The following DNAI3 variants were observed in gnomAD, a reference collection of about 807,000 sequenced individuals.
DNAI3 encodes the protein dynein axonemal intermediate chain 3.
A neutral mutation model predicts 115.5 loss-of-function variants in DNAI3; 83 were observed. That is an observed-to-expected ratio of 0.72 (90% CI 0.60 to 0.86). The LOEUF (loss-of-function observed/expected upper bound fraction) is 0.86, where lower values mean the gene tolerates loss of function less well. DNAI3 is among the 40% of genes least tolerant of loss of function. The pLI is 0.00. For missense variants in DNAI3, 1,004 were observed against 1,075.8 expected, an observed-to-expected ratio of 0.93 and a Z score of 0.93; for synonymous variants, 320 against 347.0, an observed-to-expected ratio of 0.92 and a Z score of 0.86.
intron 22 of DNAI3, among the ~76,000 whole-genome samples, chr1:85,132,085 A>G (rs1557730524): frequency 6.6e-6 from 1 of 152,224 alleles, no homozygotes; most frequent in Non-Finnish European, 1.5e-5. Context: ...AAAAAAAGTC[A>G]CTAAGGAAAA....
intron 16 of DNAI3, among the ~76,000 whole-genome samples, chr1:85,111,873 C>T (rs1173356012): frequency 1.3e-5 from 2 of 152,016 alleles, no homozygotes; most frequent in South Asian, 2.1e-4. Context: ...CCCATGAAAC[C>T]ATCAACATAA....
chr1:85,084,250 G>GTATATATATATATATATATATA (rs33956396), intron 5 of DNAI3, among the ~76,000 whole-genome samples: 2 of 85,040 alleles, frequency 2.4e-5, no homozygotes, highest in African/African-American at 3.6e-5. Flanking sequence ...TCAGCAGTGT[G>GTATATATATATATATATATATA]TATATATATA....
At chr1:85,085,750 A>C in intron 6 of DNAI3, 81 bp from the exon 7 acceptor site, 1 of 1,183,766 alleles carries the variant, frequency 8.4e-7, no homozygotes, top group East Asian at 2.5e-5. Flanking sequence ...AAGGGCTCTG[A>C]GTGGATCTGA....
At chr1:85,097,945 G>A (rs1342217156) in intron 12 of DNAI3, among the ~76,000 whole-genome samples, 6 of 152,156 alleles carry the variant, frequency 3.9e-5, no homozygotes, top group Admixed American at 6.5e-5. Flanking sequence ...CTTGCCTAAA[G>A]TGAGGTGATT....
intron 8 of DNAI3, 69 bp downstream of exon 8, chr1:85,090,301 C>A: frequency 1.2e-6 from 1 of 839,816 alleles, no homozygotes; most frequent in Non-Finnish European, 1.7e-6. Context: ...AATAACAGGT[C>A]TAAATAAACA....
intron 21 of DNAI3, among the ~76,000 whole-genome samples, chr1:85,129,184 C>T (rs1571205493): frequency 6.6e-6 from 1 of 152,196 alleles, no homozygotes; most frequent in South Asian, 2.1e-4. Flanking sequence ...GCTCCCAACC[C>T]AACTTGGAGT....
At chr1:85,128,858 CT>C in intron 21 of DNAI3, 59 bp downstream of exon 21, 1 of 1,475,848 alleles carries the variant, frequency 6.8e-7, no homozygotes, top group Non-Finnish European at 9.3e-7. Context: ...TGAGATATGT[CT>C]TTAAAAAAAT....
At chr1:85,121,171 A>G (rs1345029279) in intron 17 of DNAI3, among the ~76,000 whole-genome samples, 5 of 152,146 alleles carry the variant, frequency 3.3e-5, no homozygotes, top group African/African-American at 9.7e-5. Context: ...TCCCCTTTGC[A>G]TGACTGTTTC....
rs1571174992 is a variant in DNAI3 at position 85,094,541 on chromosome 1, C to G, written c.1159C>G (p.Pro387Ala). The G allele has an allele frequency of 6.2e-7, 1 of 1,614,050 alleles. No homozygotes were observed. The highest frequency in any genetic ancestry group is 1.6e-4 in the Middle Eastern group (1 of 6,062). The change falls in exon 10 of 23, where the codon CCT becomes GCT. Residue 387 changes from proline to alanine, a missense_variant. Pro to Ala is a conservative substitution (Grantham distance 27). This residue lies in a region of DNAI3 where 550 missense variants were observed against 568.1 expected (regional missense o/e 0.97). Transcript: ENST00000294664. ...SLILFWSFSDPIHPQLMLESP... is the reference protein window; with the variant it reads ...SLILFWSFSDAIHPQLMLESP... The stretch of plus-strand genomic sequence containing the variant: ...GATTCTTTTCTGGAGCTTCTCTGAT[C>G]CTATACATCCTCAGGTAATTAGGGA...
chr1:85,093,655 T>A lies in DNAI3; in HGVS notation c.1048+7T>A. 6.2e-7 allele frequency: 1 copy of A among 1,613,598 alleles called. No homozygotes were observed. Among genetic ancestry groups the A allele is most frequent in the Non-Finnish European group, 8.5e-7 (1 of 1,179,488 alleles). On this transcript the variant is annotated splice_region_variant and intron_variant, in intron 9 of 22. Coordinates refer to ENST00000294664, the MANE Select transcript of DNAI3 (RefSeq NM_145172.5). ...TGGCATCCAACTATCTATGGTGAGA[T>A]GGAAATGATGGGGATTCCCTTTTGT... is the stretch of plus-strand genomic sequence containing the variant.
intron 2 of DNAI3, among the ~76,000 whole-genome samples, chr1:85,072,823 C>T (rs544510895): frequency 1.3e-4 from 20 of 150,732 alleles, no homozygotes; most frequent in Admixed American, 7.9e-4. Context: ...GGTGTGGTGG[C>T]GGGCGCCTCT....
chr1:85,111,362 T>C (rs1655654962), intron 16 of DNAI3, among the ~76,000 whole-genome samples: 1 of 152,222 alleles, frequency 6.6e-6, no homozygotes, highest in Non-Finnish European at 1.5e-5. Context: ...TCTCCACCTC[T>C]CCTCCTCTTC....
intron 13 of DNAI3, among the ~76,000 whole-genome samples, chr1:85,103,956 T>C (rs1457165762): frequency 1.3e-5 from 2 of 149,292 alleles, no homozygotes; most frequent in Non-Finnish European, 3.0e-5. Flanking sequence ...AGGTAAATGT[T>C]CAAATTATGT....
chr1:85,131,858 A>G (rs1656336176), intron 22 of DNAI3, among the ~76,000 whole-genome samples: 1 of 152,240 alleles, frequency 6.6e-6, no homozygotes. Context: ...CATGTGAAAT[A>G]CTTTTTAAAC....
In DNAI3 at chr1:85,114,015, C is replaced by CTTTTTTTTT. The variant is rs58178754; in HGVS notation, c.1787-3706_1787-3698dup. Among the ~76,000 whole-genome samples, 221 of 117,576 alleles carry CTTTTTTTTT rather than the reference C, an allele frequency of 1.9e-3. 3 individuals carry two copies. Among genetic ancestry groups the CTTTTTTTTT allele is most frequent in the African/African-American group, 3.4e-3 (106 of 31,164 alleles). The allele number at this position is 117,576 out of a possible 152,430, so 77.1% of individuals were successfully genotyped here. On this transcript the variant is annotated intron_variant, in intron 16 of 22. Coordinates refer to ENST00000294664, the MANE Select transcript of DNAI3 (RefSeq NM_145172.5). ...CAGTGTATAAAAATACAATTTGTATCTTTTTTTTTTTTTTTTGAGAAGGAG... is the reference window on the plus strand; with the variant it reads ...CAGTGTATAAAAATACAATTTGTATCTTTTTTTTTTTTTTTTTTTTTTTTTGAGAAGGAG...
At chr1:85,110,274 A>G (rs1655615074) in intron 16 of DNAI3, 139 bp downstream of exon 16, 3 of 647,904 alleles carry the variant, frequency 4.6e-6, no homozygotes, top group Admixed American at 6.2e-5. Flanking sequence ...ACACGGTGAA[A>G]CCCCGTCTCT....
intron 13 of DNAI3, among the ~76,000 whole-genome samples, chr1:85,100,972 G>A (rs1471473211): frequency 1.3e-5 from 2 of 150,888 alleles, no homozygotes; most frequent in African/African-American, 4.9e-5. Flanking sequence ...GGGGACTGTT[G>A]TGGGGTGGGG....
At chr1:85,120,950 C>A (rs1462527530) in intron 17 of DNAI3, among the ~76,000 whole-genome samples, 4 of 152,178 alleles carry the variant, frequency 2.6e-5, no homozygotes, top group African/African-American at 9.7e-5. Flanking sequence ...TTCCTGGCTA[C>A]AGATCCCAAT....
intron 3 of DNAI3, among the ~76,000 whole-genome samples, chr1:85,078,463 G>A (rs984307872): frequency 4.6e-5 from 7 of 152,176 alleles, no homozygotes; most frequent in African/African-American, 1.7e-4. Flanking sequence ...GCTTCAGAAG[G>A]CCCTGAAGGC....
Sources: gnomAD v4.1 joint callset for allele counts (sites outside exome capture counted in the v4.1 genomes callset) on GRCh38, gnomAD v4.1.1 for gene constraint, gnomAD v4.1.1 regional missense constraint, MANE v1.5 for transcripts, NCBI Gene and HGNC (gene_info 2026-07-23, HGNC 2026-07-21) for gene names.